Variants in TBCD observed in about 807,000 individuals in gnomAD.
The protein encoded by TBCD is tubulin folding cofactor D, also known as tubulin-specific chaperone D.
A neutral mutation model predicts 169.3 loss-of-function variants in TBCD; 105 were observed. The ratio of observed to expected loss-of-function variants is 0.62; its 90% CI spans 0.53 to 0.73. The LOEUF is 0.73. Ranked by LOEUF, TBCD falls within the 30% of genes least tolerant of loss-of-function variation. The pLI, the probability that TBCD is intolerant of heterozygous loss-of-function variation, is 0.00. For synonymous variants in TBCD, 700 were observed against 643.9 expected (o/e 1.09, Z -1.32); for missense variants, 1,444 against 1,600.1 (o/e 0.90, Z 1.66).
intron 15 of TBCD, among the ~76,000 whole-genome samples, chr17:82,887,162 T>TGCGCGC (rs1443314838): frequency 0.01 from 1,098 of 107,270 alleles, 17 homozygotes; most frequent in African/African-American, 0.045. Context: ...TGTGTGTGTG[T>TGCGCGC]GTGTGTGCGC....
chr17:82,936,335 G>T (rs942100887), intron 34 of TBCD, among the ~76,000 whole-genome samples: 1 of 152,214 alleles, frequency 6.6e-6, no homozygotes, highest in Non-Finnish European at 1.5e-5. Context: ...TGTCTCGCGT[G>T]TTTCCACGTC....
chr17:82,777,199 G>A (rs2048654905), intron 6 of TBCD, among the ~76,000 whole-genome samples: 2 of 152,036 alleles, frequency 1.3e-5, no homozygotes, highest in South Asian at 2.1e-4. Context: ...CGTTTATTAA[G>A]ACAGAATTAT....
At chr17:82,776,694 C>G (rs918491881) in intron 6 of TBCD, among the ~76,000 whole-genome samples, 1 of 152,138 alleles carries the variant, frequency 6.6e-6, no homozygotes, top group African/African-American at 2.4e-5. Flanking sequence ...GTTACAGACC[C>G]GTTCTCGTGT....
intron 13 of TBCD, chr17:82,829,537 A>G (rs1460808451): frequency 6.5e-6 from 1 of 153,472 alleles, no homozygotes; most frequent in Non-Finnish European, 1.5e-5. Flanking sequence ...TGGGGAATGG[A>G]AAGTGAGGCA....
At chr17:82,757,754 A>G (rs1038282026) in intron 2 of TBCD, among the ~76,000 whole-genome samples, 1 of 152,104 alleles carries the variant, frequency 6.6e-6, no homozygotes, top group African/African-American at 2.4e-5. Context: ...TCCTTGGGAG[A>G]GGGTCAGCTG....
chr17:82,761,916 AC>A lies in TBCD; in HGVS notation c.236-2048del, dbSNP rs2047779953. On this transcript the variant is annotated intron_variant, in intron 2 of 38. Coordinates refer to ENST00000355528, the MANE Select transcript of TBCD (RefSeq NM_005993.5). ...AATTTTTTTTTTATTTTTAGTAGAGACGGGGTTTCACCTTGTTAACCAGGAT... is the reference window on the plus strand; with the variant it reads ...AATTTTTTTTTTATTTTTAGTAGAGAGGGGTTTCACCTTGTTAACCAGGAT... Among the ~76,000 whole-genome samples the A allele has an allele frequency of 4.0e-5, 6 of 149,864 alleles. No individual in the cohort carries two copies. The South Asian group carries it at 1.3e-3, about 32-fold the overall frequency.
intron 27 of TBCD, among the ~76,000 whole-genome samples, chr17:82,925,381 G>A (rs920863845): frequency 1.3e-5 from 2 of 152,196 alleles, no homozygotes; most frequent in African/African-American, 2.4e-5. Flanking sequence ...TTGTGGAGCC[G>A]GGTCCTGTTT....
chr17:82,765,870 T>C (rs557832252), intron 3 of TBCD, among the ~76,000 whole-genome samples: 1 of 152,226 alleles, frequency 6.6e-6, no homozygotes, highest in East Asian at 1.9e-4. Context: ...CAGGCTAGAG[T>C]GCAGTGATGC....
At chr17:82,793,178 C>T (rs759477652) in intron 7 of TBCD, among the ~76,000 whole-genome samples, 4 of 152,218 alleles carry the variant, frequency 2.6e-5, no homozygotes, top group Non-Finnish European at 5.9e-5. Context: ...TCTAATCAGT[C>T]ATTTACCAAT....
Position 82,937,390 on chromosome 17 carries a change from G to A in TBCD, c.3281+30G>A, listed in dbSNP as rs751175474. ...GTTTCAAGTGCTGCTGGCCTTAGAC[G>A]GAATGGCAGGGCGCAGCCTCCCTTG... On this transcript the variant is annotated intron_variant, in intron 35 of 38. Coordinates refer to ENST00000355528, the MANE Select transcript of TBCD (RefSeq NM_005993.5). The A allele has an allele frequency of 1.6e-5, 25 of 1,600,632 alleles. No homozygotes were observed. In the Middle Eastern group the frequency reaches 4.9e-4, roughly 32 times the overall value.
chr17:82,780,731 G>A (rs1340019954), intron 6 of TBCD, among the ~76,000 whole-genome samples: 3 of 130,928 alleles, frequency 2.3e-5, no homozygotes, highest in African/African-American at 2.9e-5. Flanking sequence ...TGCAACCTCC[G>A]CCTCCCGGGT....
At chr17:82,805,781 G>A (rs113696408) in intron 9 of TBCD, 94 bp from the exon 10 acceptor site, 31 of 1,435,886 alleles carry the variant, frequency 2.2e-5, no homozygotes, top group East Asian at 1.9e-4. Flanking sequence ...TCACAGGCAC[G>A]CTTTAAGATT....
Position 82,911,802 on chromosome 17 carries a change from G to GC in TBCD, c.2038+15dup. The GC allele has an allele frequency of 6.2e-7, 1 of 1,613,696 alleles. No individual in the cohort carries two copies. Reference sequence around the variant, plus strand: ...ATGAGACAAGCAGGTAAGTCTGAAGGCCTTTGCAGCCCTCTGCAGCCCTTT... The same window carrying GC: ...ATGAGACAAGCAGGTAAGTCTGAAGGCCCTTTGCAGCCCTCTGCAGCCCTTT... On this transcript the variant is annotated intron_variant, in intron 23 of 38. Coordinates refer to ENST00000355528, the MANE Select transcript of TBCD (RefSeq NM_005993.5).
Position 82,868,421 on chromosome 17 carries a change from T to A in TBCD, c.1319-1803T>A, listed in dbSNP as rs535323028. On this transcript the variant is annotated intron_variant, in intron 13 of 38. Transcript: ENST00000355528. Reference sequence around the variant, plus strand: ...CCCCGGGCCTCTGTGTGCAGCGCCCTGCGTCGTGGCTGGGCTGAGAGGAGG... The same window carrying A: ...CCCCGGGCCTCTGTGTGCAGCGCCCAGCGTCGTGGCTGGGCTGAGAGGAGG... Among the ~76,000 whole-genome samples the A allele has an allele frequency of 2.0e-5, 3 of 152,274 alleles. No homozygotes were observed. The South Asian group carries it at 6.2e-4, about 32-fold the overall frequency.
At chr17:82,865,807 C>A (rs1227953265) in intron 13 of TBCD, among the ~76,000 whole-genome samples, 3 of 152,222 alleles carry the variant, frequency 2.0e-5, no homozygotes, top group African/African-American at 7.2e-5. Flanking sequence ...TCACATATTG[C>A]AGTGGGGACT....
At chr17:82,842,580 A>C (rs2054612648) in intron 13 of TBCD, among the ~76,000 whole-genome samples, 1 of 152,006 alleles carries the variant, frequency 6.6e-6, no homozygotes, top group Non-Finnish European at 1.5e-5. Flanking sequence ...CTCTTGAGTT[A>C]ATCATTTAGT....
rs375854430 is a variant in TBCD at position 82,927,161 on chromosome 17, T to A, written c.2472-25T>A. The A allele has an allele frequency of 8.7e-6, 14 of 1,613,662 alleles. No homozygotes were observed. In the African/African-American group the frequency reaches 1.9e-4, roughly 22 times the overall value. On this transcript the variant is annotated intron_variant, in intron 28 of 38. Transcript: ENST00000355528. ...GATGAGGCTCACCGATGTTTGTTTGTTAGCTCACACATTTTAAATTTCAGG... is the reference window on the plus strand; with the variant it reads ...GATGAGGCTCACCGATGTTTGTTTGATAGCTCACACATTTTAAATTTCAGG...
chr17:82,850,051 T>TTGTTGGCTGTGCTCTTCTGC (rs2055571959), intron 13 of TBCD, among the ~76,000 whole-genome samples: 4 of 26,276 alleles, frequency 1.5e-4, no homozygotes, highest in African/African-American at 1.6e-4. Flanking sequence ...GGCTGTGCTG[T>TTGTTGGCTGTGCTCTTCTGC]TGTTGGCTGT....
intron 14 of TBCD, among the ~76,000 whole-genome samples, chr17:82,871,879 G>A (rs1248527328): frequency 6.6e-6 from 1 of 152,308 alleles, no homozygotes; most frequent in South Asian, 2.1e-4. Context: ...TCACGCACCC[G>A]GGTGTAAGCG....
Sources: gnomAD v4.1 joint callset for allele counts (sites outside exome capture counted in the v4.1 genomes callset) on GRCh38, gnomAD v4.1.1 for gene constraint, MANE v1.5 for transcripts, NCBI Gene and HGNC (gene_info 2026-07-23, HGNC 2026-07-21) for gene names.